Variants in PBRM1 observed in about 807,000 individuals in gnomAD.
The protein encoded by PBRM1 is protein polybromo-1.
Under a neutral mutation model 194.5 loss-of-function variants are expected in PBRM1, and 27 were observed. That is an observed-to-expected ratio of 0.14 (90% CI 0.10 to 0.19). The LOEUF (loss-of-function observed/expected upper bound fraction) is 0.19. Among genes scored for constraint, PBRM1 ranks in the 10% least tolerant of loss-of-function variants. PBRM1 has a pLI of 1.00. For synonymous variants in PBRM1, 655 were observed against 693.2 expected, an observed-to-expected ratio of 0.94 and a Z score of 0.87; for missense variants, 1,466 against 2,077.2, an observed-to-expected ratio of 0.71 and a Z score of 5.72.
chr3:52,562,240 T>A (rs1343832920), intron 24 of PBRM1, among the ~76,000 whole-genome samples: 11 of 149,512 alleles, frequency 7.4e-5, no homozygotes, highest in Non-Finnish European at 1.6e-4. Flanking sequence ...GGCAGGAGAA[T>A]GGCGTGAACC....
At chr3:52,678,537 G>A in exon 2 of PBRM1, 1 of 1,613,498 alleles carries the variant, frequency 6.2e-7, no homozygotes, top group Non-Finnish European at 8.5e-7. Flanking sequence ...TCACAGAGAA[G>A]TCTGCCCTGT....
chr3:52,606,538 T>C (rs2094357204), intron 16 of PBRM1, among the ~76,000 whole-genome samples: 1 of 152,180 alleles, frequency 6.6e-6, no homozygotes, highest in Non-Finnish European at 1.5e-5. Flanking sequence ...GAACATTCTG[T>C]ACAAGAGTCA....
At chr3:52,685,812 CGCCACGGCTGCTGCTATTGCTCCTCCG>C in exon 1 of PBRM1, 1 of 371,856 alleles carries the variant, frequency 2.7e-6, no homozygotes, top group South Asian at 4.7e-5. Context: ...GCCCCGTGGC[CGCCACGGCTGCTGCTATTGCTCCTCCG>C]GCCGCGGCCG....
rs146594091 is a variant in PBRM1, at chr3:52,573,993, T to C, written c.3691+2548A>G. Among the ~76,000 whole-genome samples the C allele has an allele frequency of 2.6e-5, 4 of 152,362 alleles. No individual in the cohort carries two copies. The East Asian group carries it at 5.8e-4, about 22-fold the overall frequency. On this transcript the variant is annotated intron_variant, in intron 22 of 29. Coordinates refer to ENST00000296302, the Ensembl canonical transcript of PBRM1. The stretch of plus-strand genomic sequence containing the variant: ...TGTCAGGCAGCTTTCTAAACACTAA[T>C]GCAAAGTGCTTGCCTTTATTGTGCT...
chr3:52,604,419 G>A (rs771309411), intron 16 of PBRM1, among the ~76,000 whole-genome samples: 23 of 152,154 alleles, frequency 1.5e-4, no homozygotes, highest in East Asian at 5.8e-4. Context: ...GAAATAAAGC[G>A]GCCAGGCATG....
chr3:52,609,777 T>C lies in PBRM1; in HGVS notation c.2103A>G (p.Lys701=). ...GAATTTTTTCCATGTCCATGGGCTT[T>C]TTAATAGTCAGATAGTAGTCAGGCA... The change falls in exon 16 of 30, where the codon AAA becomes AAG. Residue 701 remains lysine (K), a synonymous_variant. Transcript: ENST00000296302. This position sits in a 1 kb window ranked among gnomAD's most constrained non-coding sequence, Gnocchi z 4.1. The C allele has an allele frequency of 6.2e-7, 1 of 1,609,962 alleles. No homozygotes were observed. Among genetic ancestry groups the C allele is most frequent in the East Asian group, 2.2e-5 (1 of 44,874 alleles).
chr3:52,589,325 G>A, intron 17 of PBRM1, 70 bp from the exon 20 acceptor site: 1 of 981,774 alleles, frequency 1.0e-6, no homozygotes, highest in Non-Finnish European at 1.5e-6. Flanking sequence ...CAGATGTAGG[G>A]TTCAAACAAC....
intron 27 of PBRM1, 38 bp downstream of exon 29, chr3:52,554,686 A>G (rs745622918): frequency 6.7e-7 from 1 of 1,493,728 alleles, no homozygotes; most frequent in Admixed American, 2.5e-5. Context: ...GAGAATATGA[A>G]GATGAGATTA....
intron 11 of PBRM1, 145 bp downstream of exon 12, chr3:52,634,457 G>T: frequency 7.0e-6 from 3 of 431,164 alleles, no homozygotes; most frequent in Non-Finnish European, 1.2e-5. Context: ...AAAAAAAAAA[G>T]GTAATGAACA....
At chr3:52,617,980 A>C (rs936494099) in intron 13 of PBRM1, among the ~76,000 whole-genome samples, 1 of 152,202 alleles carries the variant, frequency 6.6e-6, no homozygotes, top group Non-Finnish European at 1.5e-5. Context: ...ACCTAAAAAG[A>C]GAAGTGTTTC....
chr3:52,647,145 G>T (rs1024389593), intron 7 of PBRM1, among the ~76,000 whole-genome samples: 3 of 151,634 alleles, frequency 2.0e-5, no homozygotes, highest in Non-Finnish European at 2.9e-5. Flanking sequence ...TCAAAATAAA[G>T]AATAAAATAA....
chr3:52,551,577 GATA>G (rs1260552005), intron 27 of PBRM1, among the ~76,000 whole-genome samples: 9 of 152,118 alleles, frequency 5.9e-5, no homozygotes, highest in Non-Finnish European at 1.3e-4. Flanking sequence ...AGGCACAGCT[GATA>G]ATAATGAGAT....
intron 15 of PBRM1, among the ~76,000 whole-genome samples, chr3:52,612,129 G>A (rs753184613): frequency 4.6e-5 from 7 of 151,668 alleles, no homozygotes; most frequent in Non-Finnish European, 8.8e-5. Flanking sequence ...GCGTGGTGGT[G>A]CACACCTGTA....
chr3:52,574,759 C>T (rs572485803), intron 22 of PBRM1, among the ~76,000 whole-genome samples: 10 of 152,290 alleles, frequency 6.6e-5, no homozygotes, highest in African/African-American at 2.2e-4. Flanking sequence ...GTGTGCTCCA[C>T]CATACGCAGA....
At chr3:52,593,665 T>G (rs2093311276) in intron 17 of PBRM1, among the ~76,000 whole-genome samples, 1 of 152,236 alleles carries the variant, frequency 6.6e-6, no homozygotes, top group South Asian at 2.1e-4. Flanking sequence ...CTTCTTGATA[T>G]CTACCTTAAT....
At chr3:52,580,338 A>T (rs1370310877) in intron 20 of PBRM1, among the ~76,000 whole-genome samples, 1 of 152,102 alleles carries the variant, frequency 6.6e-6, no homozygotes, top group Non-Finnish European at 1.5e-5. Context: ...AGCCTCTGTG[A>T]TATAAACATG....
chr3:52,555,219 G>A (rs763668530), intron 26 of PBRM1, among the ~76,000 whole-genome samples: 13 of 152,146 alleles, frequency 8.5e-5, no homozygotes, highest in Non-Finnish European at 1.6e-4. Flanking sequence ...CAAACAGAGT[G>A]ACCAGTTCTG....
intron 11 of PBRM1, among the ~76,000 whole-genome samples, chr3:52,633,119 C>T (rs1315473431): frequency 2.6e-5 from 4 of 152,114 alleles, no homozygotes; most frequent in Non-Finnish European, 5.9e-5. Flanking sequence ...ACACTCTATA[C>T]CCATTAAACA....
chr3:52,597,723 C>T (rs148451676), intron 17 of PBRM1, among the ~76,000 whole-genome samples: 2 of 151,592 alleles, frequency 1.3e-5, no homozygotes, highest in East Asian at 2.0e-4. Context: ...TCCAGCTACT[C>T]GGGAGAGTCT....
Sources: gnomAD v4.1 joint callset for allele counts (sites outside exome capture counted in the v4.1 genomes callset) on GRCh38, gnomAD v4.1.1 for gene constraint, Gnocchi (gnomAD v3.1) non-coding constraint, MANE v1.5 for transcripts, NCBI Gene and HGNC (gene_info 2026-07-23, HGNC 2026-07-21) for gene names.